Variants in PHACTR1 observed in about 807,000 individuals in gnomAD.
PHACTR1 encodes RPEL repeat containing 1.
A neutral mutation model predicts 69.2 loss-of-function variants in PHACTR1; 16 were observed. That is an observed-to-expected ratio of 0.23 (90% CI 0.16 to 0.35). The LOEUF (loss-of-function observed/expected upper bound fraction) is 0.35. Ranked by LOEUF, PHACTR1 falls within the 10% of genes least tolerant of loss-of-function variation. PHACTR1 has a pLI of 1.00. For missense variants in PHACTR1, 510 were observed against 734.7 expected (o/e 0.69, Z 3.54); for synonymous variants, 312 against 284.5 (o/e 1.10, Z -0.97).
chr6:13,071,136 AG>A (rs1809460082), intron 5 of PHACTR1, among the ~76,000 whole-genome samples: 2 of 152,176 alleles, frequency 1.3e-5, no homozygotes, highest in Admixed American at 6.5e-5. Flanking sequence ...CATGAATGAA[AG>A]AAAGTTGTGC....
intron 10 of PHACTR1, among the ~76,000 whole-genome samples, chr6:13,263,238 G>GT (rs57164668): frequency 0.015 from 1,256 of 84,148 alleles, 16 homozygotes; most frequent in East Asian, 0.07. Flanking sequence ...GGCTTTTAGT[G>GT]TTTTTTTTTT....
chr6:12,899,484 G>A (rs755830931), intron 4 of PHACTR1, among the ~76,000 whole-genome samples: 1 of 152,180 alleles, frequency 6.6e-6, no homozygotes, highest in Non-Finnish European at 1.5e-5. Context: ...CTGAGTGAAT[G>A]AATAAAACTA....
intron 4 of PHACTR1, among the ~76,000 whole-genome samples, chr6:12,767,053 GT>G (rs1768709538): frequency 6.6e-6 from 1 of 152,048 alleles, no homozygotes; most frequent in Non-Finnish European, 1.5e-5. Context: ...TTGTATTTTG[GT>G]CATGTATGAA....
chr6:13,083,511 A>T (rs932439718), intron 5 of PHACTR1, among the ~76,000 whole-genome samples: 1 of 150,576 alleles, frequency 6.6e-6, no homozygotes, highest in South Asian at 2.1e-4. Context: ...TGGGGATGGC[A>T]TTGAATCTAT....
At chr6:13,161,248 G>C (rs541033652) in intron 6 of PHACTR1, among the ~76,000 whole-genome samples, 3 of 152,274 alleles carry the variant, frequency 2.0e-5, no homozygotes, top group Admixed American at 2.0e-4. Context: ...AAAGTGCTGG[G>C]ATTACAGGCG....
intron 7 of PHACTR1, among the ~76,000 whole-genome samples, chr6:13,189,965 T>C (rs1165593183): frequency 6.6e-6 from 1 of 151,884 alleles, no homozygotes; most frequent in Non-Finnish European, 1.5e-5. Flanking sequence ...GACAGCTCCC[T>C]TCTCTCTATG....
chr6:13,109,389 T>C (rs1372403016), intron 5 of PHACTR1, among the ~76,000 whole-genome samples: 2 of 152,012 alleles, frequency 1.3e-5, no homozygotes, highest in East Asian at 3.8e-4. Flanking sequence ...ACCTTAATTT[T>C]GTGGGATATT....
chr6:12,740,092 T>G (rs1764842956), intron 3 of PHACTR1, among the ~76,000 whole-genome samples: 1 of 152,226 alleles, frequency 6.6e-6, no homozygotes, highest in South Asian at 2.1e-4. Context: ...TGGTATGTAG[T>G]CTTTCAGGGC....
chr6:13,064,522 G>A (rs1808195827), intron 5 of PHACTR1, among the ~76,000 whole-genome samples: 1 of 119,648 alleles, frequency 8.4e-6, no homozygotes, highest in Admixed American at 9.1e-5. Flanking sequence ...ATAATAAATT[G>A]CAACGGGAAG....
chr6:12,775,767 A>G lies in PHACTR1; in HGVS notation c.250+25977A>G, dbSNP rs555964277. ...CACATTCCAAGAGTCTCTCCTGCCA[A>G]TAGTTTTGCCTGGAACATACTGTAC... is the stretch of plus-strand genomic sequence containing the variant. On this transcript the variant is annotated intron_variant, in intron 4 of 14. Coordinates refer to ENST00000332995, the MANE Select transcript of PHACTR1 (RefSeq NM_030948.6). Among the ~76,000 whole-genome samples the G allele has an allele frequency of 2.2e-3, 337 of 152,262 alleles. 1 individual carries two copies. Among genetic ancestry groups the G allele is most frequent in the Non-Finnish European group, 3.5e-3 (238 of 68,000 alleles).
chr6:12,830,162 C>G (rs1252929416), intron 4 of PHACTR1, among the ~76,000 whole-genome samples: 1 of 106,760 alleles, frequency 9.4e-6, no homozygotes, highest in East Asian at 2.0e-4. Flanking sequence ...AGAAAGACAT[C>G]TTCACTTTAC....
At chr6:12,879,881 C>T (rs1390367525) in intron 4 of PHACTR1, among the ~76,000 whole-genome samples, 3 of 152,174 alleles carry the variant, frequency 2.0e-5, no homozygotes, top group African/African-American at 4.8e-5. Context: ...ATTCTACTCT[C>T]GTATGGGCAC....
At chr6:13,255,576 A>G (rs1182535861) in intron 10 of PHACTR1, among the ~76,000 whole-genome samples, 1 of 152,242 alleles carries the variant, frequency 6.6e-6, no homozygotes, top group Non-Finnish European at 1.5e-5. Flanking sequence ...TATTTCCAAG[A>G]TACATGGGGG....
At chr6:12,747,456 G>A (rs1765933564) in intron 3 of PHACTR1, among the ~76,000 whole-genome samples, 1 of 151,988 alleles carries the variant, frequency 6.6e-6, no homozygotes, top group East Asian at 1.9e-4. Flanking sequence ...TTGAGGCCAA[G>A]GATCTGAGAT....
intron 10 of PHACTR1, among the ~76,000 whole-genome samples, chr6:13,239,569 G>A (rs1772514423): frequency 6.6e-6 from 1 of 152,218 alleles, no homozygotes; most frequent in Admixed American, 6.5e-5. Flanking sequence ...GAAGACTTGA[G>A]CAAGACGCAT....
intron 4 of PHACTR1, among the ~76,000 whole-genome samples, chr6:13,017,379 G>A (rs901230357): frequency 7.9e-5 from 12 of 151,756 alleles, no homozygotes; most frequent in African/African-American, 2.7e-4. Context: ...CAATAAGCTC[G>A]GTTTATTATG....
chr6:13,285,883 A>G (rs1781583493), intron 13 of PHACTR1, among the ~76,000 whole-genome samples: 3 of 152,200 alleles, frequency 2.0e-5, no homozygotes, highest in Non-Finnish European at 2.9e-5. Context: ...TGATGCCTCA[A>G]TGCCACAGCT....
At chr6:13,047,048 C>G (rs907411037) in intron 4 of PHACTR1, among the ~76,000 whole-genome samples, 1 of 152,096 alleles carries the variant, frequency 6.6e-6, no homozygotes, top group African/African-American at 2.4e-5. Flanking sequence ...TTCTGAATGG[C>G]TGGGCACCTG....
At chr6:13,056,316 C>G (rs2127741760) in intron 5 of PHACTR1, among the ~76,000 whole-genome samples, 1 of 152,244 alleles carries the variant, frequency 6.6e-6, no homozygotes, top group Non-Finnish European at 1.5e-5. Context: ...GAGAGGATTG[C>G]TTGAACCCAG....
Sources: gnomAD v4.1 joint callset for allele counts (sites outside exome capture counted in the v4.1 genomes callset) on GRCh38, gnomAD v4.1.1 for gene constraint, MANE v1.5 for transcripts, NCBI Gene and HGNC (gene_info 2026-07-23, HGNC 2026-07-21) for gene names.